Variants in CERT1 observed in about 807,000 individuals in gnomAD.
The protein encoded by CERT1 is ceramide transporter 1, also known as ceramide transfer protein.
CERT1 carries 31 observed loss-of-function variants against 87.9 expected under a neutral mutation model. The ratio of observed to expected loss-of-function variants is 0.35; its 90% CI spans 0.27 to 0.48. CERT1 has a LOEUF of 0.48. Among genes scored for constraint, CERT1 ranks in the 20% least tolerant of loss-of-function variants. The probability of loss-of-function intolerance (pLI) is 0.99; values close to 1 mark genes in which losing one functional copy is unlikely to be tolerated. For missense variants in CERT1, 487 were observed against 758.0 expected, an observed-to-expected ratio of 0.64 and a Z score of 4.20; for synonymous variants, 289 against 250.9, an observed-to-expected ratio of 1.15 and a Z score of -1.44.
downstream of CERT1, chr5:75,374,788 A>G: frequency 1.8e-6 from 1 of 543,800 alleles, no homozygotes; most frequent in Non-Finnish European, 3.6e-6. Context: ...CTGCCCCATG[A>G]CCCCCACCAA....
chr5:75,400,220 A>G lies in CERT1; in HGVS notation c.1095T>C (p.His365=), dbSNP rs1294070914. The change falls in exon 10 of 17, where the codon CAT becomes CAC. Residue 365 remains histidine (H), a synonymous_variant. Transcript: ENST00000643780. ...SGDAFSSVGT[H]RFVQKPYSRS... ...ATTAGCTTACCTTTTGGACAAATCT[A>G]TGTGTCCCCACAGAAGAAAAGGCAT... is the stretch of plus-strand genomic sequence containing the variant. 2 of 1,610,592 alleles carry G rather than the reference A, an allele frequency of 1.2e-6. No homozygotes were observed. The highest frequency in any genetic ancestry group is 1.3e-5 in the African/African-American group (1 of 74,976).
intron 3 of CERT1, among the ~76,000 whole-genome samples, chr5:75,429,290 C>T (rs184595732): frequency 1.1e-4 from 16 of 152,042 alleles, no homozygotes; most frequent in Non-Finnish European, 2.1e-4. Context: ...CCACCTCTGT[C>T]TCCTGGGTTC....
intron 8 of CERT1, among the ~76,000 whole-genome samples, chr5:75,403,998 G>C (rs554106783): frequency 6.6e-6 from 1 of 152,300 alleles, no homozygotes; most frequent in Admixed American, 6.5e-5. Context: ...TATGATAAAA[G>C]TAGAGACTAA....
intron 3 of CERT1, among the ~76,000 whole-genome samples, chr5:75,439,581 G>A: frequency 6.6e-6 from 1 of 151,956 alleles, no homozygotes; most frequent in Middle Eastern, 3.2e-3. Flanking sequence ...TATGGAAAAT[G>A]AGAAAATACA....
intron 2 of CERT1, among the ~76,000 whole-genome samples, chr5:75,474,773 T>C (rs1482928429): frequency 6.6e-6 from 1 of 152,106 alleles, no homozygotes; most frequent in Non-Finnish European, 1.5e-5. Flanking sequence ...TATCTAAAAC[T>C]ATGAAACTAG....
chr5:75,493,953 GCT>G (rs1462608905), intron 2 of CERT1, among the ~76,000 whole-genome samples: 2 of 151,836 alleles, frequency 1.3e-5, no homozygotes, highest in African/African-American at 4.8e-5. Flanking sequence ...ATTTCCAAGA[GCT>G]CTTTTTTAAC....
chr5:75,374,373 T>A (rs1432914367), downstream of CERT1: 2 of 537,108 alleles, frequency 3.7e-6, no homozygotes, highest in Admixed American at 3.3e-5. Context: ...TTGAACTTAT[T>A]CCATCAGCAA....
At chr5:75,497,339 C>T (rs996331477) in intron 2 of CERT1, among the ~76,000 whole-genome samples, 1 of 152,116 alleles carries the variant, frequency 6.6e-6, no homozygotes, top group Non-Finnish European at 1.5e-5. Context: ...AAGAATTGTA[C>T]CAAGTACTTT....
At position 75,379,308 on chromosome 5, in the gene CERT1, A is replaced by C. The variant is rs1268494491; in HGVS notation, c.*38T>G. 2.6e-6 allele frequency: 4 copies of C among 1,544,118 alleles called. No homozygotes were observed. Among genetic ancestry groups the C allele is most frequent in the Admixed American group, 4.0e-5 (2 of 50,024 alleles). On this transcript the variant is annotated 3_prime_UTR_variant, in exon 17 of 17. Transcript: ENST00000643780. The stretch of plus-strand genomic sequence containing the variant: ...ACAGTCATATTAGTCAAATAAAGTT[A>C]AAAAAAGATAAAACATATCTTCTAG...
chr5:75,468,666 C>T (rs1765569994), intron 2 of CERT1, among the ~76,000 whole-genome samples: 1 of 152,128 alleles, frequency 6.6e-6, no homozygotes. Flanking sequence ...CAGAGCTGTG[C>T]CAGCCGTGGT....
chr5:75,447,583 G>A (rs181312545), intron 3 of CERT1, among the ~76,000 whole-genome samples: 3 of 151,746 alleles, frequency 2.0e-5, no homozygotes, highest in Non-Finnish European at 4.4e-5. Flanking sequence ...CCATTCTCCC[G>A]CCTCAGCCTC....
At chr5:75,405,700 G>A (rs1470882525) in intron 8 of CERT1, among the ~76,000 whole-genome samples, 2 of 152,090 alleles carry the variant, frequency 1.3e-5, no homozygotes, top group Non-Finnish European at 1.5e-5. Flanking sequence ...TTTTGAGAGA[G>A]AAAGAGACTA....
chr5:75,375,608 A>C (rs1186136538), downstream of CERT1: 1 of 144,882 alleles, frequency 6.9e-6, no homozygotes, highest in African/African-American at 2.6e-5. Context: ...TAAATAAATA[A>C]ATAAATAAAT....
chr5:75,427,085 C>A (rs754532097), intron 3 of CERT1, among the ~76,000 whole-genome samples: 1 of 152,100 alleles, frequency 6.6e-6, no homozygotes, highest in Admixed American at 6.5e-5. Flanking sequence ...GTTCATGGCA[C>A]GAAGTTTCCA....
chr5:75,489,815 A>C (rs1458555258), intron 2 of CERT1, among the ~76,000 whole-genome samples: 1 of 152,216 alleles, frequency 6.6e-6, no homozygotes, highest in Non-Finnish European at 1.5e-5. Flanking sequence ...ACCATTGTGG[A>C]AGATAGTGTG....
chr5:75,467,937 T>C (rs1216419451), intron 2 of CERT1, among the ~76,000 whole-genome samples: 1 of 152,210 alleles, frequency 6.6e-6, no homozygotes. Flanking sequence ...ATTTTAAGAA[T>C]GTACAATTAC....
rs143120106 is a variant in CERT1, at chr5:75,486,008, C to T, written c.231+19974G>A. Among the ~76,000 whole-genome samples the T allele has an allele frequency of 2.1e-3, 316 of 152,160 alleles. 1 individual carries two copies. The East Asian group carries it at 0.027, about 13-fold the overall frequency. On this transcript the variant is annotated intron_variant, in intron 2 of 16. Transcript: ENST00000643780. Reference sequence around the variant, plus strand: ...ATACTTCCAAACTCATTCTATGAGGCTAGTATTACCCAGATACCAAAAACA... The same window carrying T: ...ATACTTCCAAACTCATTCTATGAGGTTAGTATTACCCAGATACCAAAAACA...
At position 75,461,339 on chromosome 5, in the gene CERT1, T is replaced by G. The variant is rs554258081; in HGVS notation, c.232-2158A>C. On this transcript the variant is annotated intron_variant, in intron 2 of 16. Transcript: ENST00000643780. Reference sequence around the variant, plus strand: ...ACAAAGGATCTAGGTTGTTCGCTCCTTATGAGAATCTAATGGTTGATGATC... The same window carrying G: ...ACAAAGGATCTAGGTTGTTCGCTCCGTATGAGAATCTAATGGTTGATGATC... Among the ~76,000 whole-genome samples the G allele has an allele frequency of 2.0e-5, 3 of 152,316 alleles. No individual in the cohort carries two copies. In the East Asian group the frequency reaches 5.8e-4, roughly 29 times the overall value.
intron 3 of CERT1, among the ~76,000 whole-genome samples, chr5:75,439,669 GCTGA>G (rs1210500818): frequency 1.3e-5 from 2 of 151,982 alleles, no homozygotes; most frequent in African/African-American, 2.4e-5. Context: ...AATCAAACAA[GCTGA>G]CTGTGTTGTG....
Sources: allele counts gnomAD v4.1 joint callset (sites outside exome capture counted in the v4.1 genomes callset), GRCh38; gene constraint gnomAD v4.1.1; transcripts MANE v1.5; gene names NCBI Gene and HGNC (gene_info 2026-07-23, HGNC 2026-07-21).